Variants in LRRIQ1 observed in about 807,000 individuals in gnomAD.
LRRIQ1 encodes the protein leucine rich repeats and IQ motif containing 1.
A neutral mutation model predicts 211.9 loss-of-function variants in LRRIQ1; 210 were observed. The ratio of observed to expected loss-of-function variants is 0.99; its 90% confidence interval spans 0.89 to 1.11. LRRIQ1 has a LOEUF of 1.11. LRRIQ1 is among the 50% of genes most tolerant of loss of function. The pLI is 0.00. For missense variants in LRRIQ1, 2,136 were observed against 1,939.5 expected, an observed-to-expected ratio of 1.10 and a Z score of -1.90; for synonymous variants, 699 against 650.1, an observed-to-expected ratio of 1.08 and a Z score of -1.14.
chr12:85,127,408 T>G (rs1455627231), intron 17 of LRRIQ1, among the ~76,000 whole-genome samples: 1 of 152,180 alleles, frequency 6.6e-6, no homozygotes. Flanking sequence ...AAAGGAAGCC[T>G]CCTTCCTCTT....
At chr12:85,095,551 A>T (rs1484108328) in intron 11 of LRRIQ1, among the ~76,000 whole-genome samples, 1 of 152,092 alleles carries the variant, frequency 6.6e-6, no homozygotes, top group Non-Finnish European at 1.5e-5. Flanking sequence ...ATCTAGGTTC[A>T]TCAGGGATAT....
In LRRIQ1 at chr12:85,140,043, T is replaced by C. The variant is rs1158514270; in HGVS notation, c.4329+2074T>C. On this transcript the variant is annotated intron_variant, in intron 19 of 26. Coordinates refer to ENST00000393217, the MANE Select transcript of LRRIQ1 (RefSeq NM_001079910.2). ...CTTCTATGTAATGAAAAAAACTAGG[T>C]ATCATGAAAACAATGTAAATGCTTT... Among the ~76,000 whole-genome samples the C allele has an allele frequency of 2.6e-5, 4 of 151,312 alleles. No individual in the cohort carries two copies. The Admixed American group carries it at 2.6e-4, about 10-fold the overall frequency.
intron 11 of LRRIQ1, among the ~76,000 whole-genome samples, chr12:85,090,471 G>A (rs769319002): frequency 4.6e-5 from 7 of 152,250 alleles, no homozygotes; most frequent in Middle Eastern, 3.4e-3. Flanking sequence ...GGATAAACCC[G>A]GTAAAGCTAC....
intron 1 of LRRIQ1, among the ~76,000 whole-genome samples, chr12:85,256,005 A>G (rs140305346): frequency 9.3e-4 from 141 of 151,794 alleles, no homozygotes; most frequent in African/African-American, 3.2e-3. Flanking sequence ...TCTTTTAACA[A>G]CTTGTTACTA....
intron 15 of LRRIQ1, 35 bp from the exon 16 acceptor site, chr12:85,121,662 A>G: frequency 2.0e-6 from 3 of 1,486,266 alleles, no homozygotes; most frequent in Non-Finnish European, 2.7e-6. Context: ...CCTTATCAAG[A>G]TCAGGATTAT....
chr12:85,168,375 G>A (rs1196182011), intron 24 of LRRIQ1, among the ~76,000 whole-genome samples: 1 of 152,022 alleles, frequency 6.6e-6, no homozygotes, highest in Non-Finnish European at 1.5e-5. Flanking sequence ...GATACTCTGG[G>A]CCAATCACCC....
intron 11 of LRRIQ1, among the ~76,000 whole-genome samples, chr12:85,082,582 C>G (rs1186466001): frequency 6.6e-6 from 1 of 152,044 alleles, no homozygotes. Context: ...TATTCTATAT[C>G]TCTATCTCTC....
At chr12:85,210,044 T>C (rs1056008282) in intron 24 of LRRIQ1, among the ~76,000 whole-genome samples, 6 of 152,164 alleles carry the variant, frequency 3.9e-5, no homozygotes, top group Non-Finnish European at 8.8e-5. Flanking sequence ...GCAGAATTTC[T>C]TTTTTTCTTG....
intron 19 of LRRIQ1, among the ~76,000 whole-genome samples, chr12:85,142,196 T>C (rs1889589691): frequency 6.6e-6 from 1 of 151,478 alleles, no homozygotes; most frequent in Non-Finnish European, 1.5e-5. Context: ...CTGAAGATAT[T>C]GGCTTCCTAT....
chr12:85,111,778 G>A (rs2136352629), intron 15 of LRRIQ1, among the ~76,000 whole-genome samples: 1 of 152,076 alleles, frequency 6.6e-6, no homozygotes, highest in South Asian at 2.1e-4. Context: ...ACCGATAAGA[G>A]ATTAGGAAAC....
chr12:85,123,611 A>G (rs1888142938), intron 16 of LRRIQ1, among the ~76,000 whole-genome samples: 1 of 152,128 alleles, frequency 6.6e-6, no homozygotes, highest in African/African-American at 2.4e-5. Context: ...TTTTCCAGAG[A>G]TAAATGGGAA....
chr12:85,179,956 T>C (rs1891897482), intron 24 of LRRIQ1, among the ~76,000 whole-genome samples: 1 of 151,964 alleles, frequency 6.6e-6, no homozygotes, highest in Non-Finnish European at 1.5e-5. Context: ...CTGTATTAGA[T>C]TCATCTATAC....
chr12:85,217,508 ATGTGTGTG>A (rs370971727), intron 24 of LRRIQ1, among the ~76,000 whole-genome samples: 3,456 of 63,902 alleles, frequency 0.054, 169 homozygotes, highest in Middle Eastern at 0.089. Context: ...ATATATATAT[ATGTGTGTG>A]TGTGTGTGTG....
At chr12:85,187,809 CAA>C (rs749849862) in intron 24 of LRRIQ1, among the ~76,000 whole-genome samples, 26 of 97,514 alleles carry the variant, frequency 2.7e-4, no homozygotes, top group East Asian at 9.1e-4. Context: ...AACTTCATCT[CAA>C]AAAAAAAAAA....
chr12:85,239,356 T>TACATACAC lies in LRRIQ1; in HGVS notation c.5017-5430_5017-5429insTACACACA, dbSNP rs560044314. Among the ~76,000 whole-genome samples, 55 of 145,150 alleles carry TACATACAC rather than the reference T, an allele frequency of 3.8e-4. 1 individual carries two copies. Among genetic ancestry groups the TACATACAC allele is most frequent in the African/African-American group, 1.2e-3 (49 of 39,252 alleles). ...ATCCCCGGTAATTGAAACTGTTTTATACACACACACACACACACACACACA... is the reference window on the plus strand; with the variant it reads ...ATCCCCGGTAATTGAAACTGTTTTATACATACACACACACACACACACACACACACACA... On this transcript the variant is annotated intron_variant, in intron 26 of 26. Transcript: ENST00000393217.
At chr12:85,162,929 G>GT (rs570569960) in intron 24 of LRRIQ1, 19 of 364,670 alleles carry the variant, frequency 5.2e-5, no homozygotes, top group Admixed American at 1.6e-4. Flanking sequence ...TTATATGGAA[G>GT]TTTTTTTTAA....
At chr12:85,049,737 G>A (rs184824474) in intron 6 of LRRIQ1, among the ~76,000 whole-genome samples, 252 of 152,150 alleles carry the variant, frequency 1.7e-3, no homozygotes, top group Non-Finnish European at 3.0e-3. Flanking sequence ...ATCCTGCTAG[G>A]TTTTTTGCAG....
At chr12:85,193,763 A>G (rs1892729735) in intron 24 of LRRIQ1, among the ~76,000 whole-genome samples, 1 of 151,028 alleles carries the variant, frequency 6.6e-6, no homozygotes, top group Admixed American at 6.6e-5. Context: ...AACTGCATCA[A>G]CTAACGAGCA....
At chr12:85,159,616 G>T (rs1446337025) in intron 23 of LRRIQ1, 1 of 151,962 alleles carries the variant, frequency 6.6e-6, no homozygotes, top group South Asian at 2.1e-4. Flanking sequence ...TGAATTGTTT[G>T]TGATGTTGTC....
Sources: gnomAD v4.1 joint callset for allele counts (sites outside exome capture counted in the v4.1 genomes callset) on GRCh38, gnomAD v4.1.1 for gene constraint, MANE v1.5 for transcripts, NCBI Gene and HGNC (gene_info 2026-07-23, HGNC 2026-07-21) for gene names.